GRIK3: variants seen among roughly 807,000 people sequenced by gnomAD.
GRIK3 encodes the protein glutamate receptor ionotropic, kainate 3.
In GRIK3, 29 loss-of-function variants were observed where a neutral mutation model predicts 102.5. That is an observed-to-expected ratio of 0.28 (90% CI 0.21 to 0.39). The LOEUF is 0.39. GRIK3 is among the 10% of genes least tolerant of loss of function. The pLI is 1.00. For missense variants in GRIK3, 908 were observed against 1,252.4 expected (o/e 0.73, Z 4.15); for synonymous variants, 511 against 504.9 (o/e 1.01, Z -0.16).
intron 5 of GRIK3, among the ~76,000 whole-genome samples, chr1:36,863,276 C>T (rs1640746945): frequency 6.6e-6 from 1 of 152,100 alleles, no homozygotes; most frequent in Non-Finnish European, 1.5e-5. Context: ...CCTGCCCAGC[C>T]CCCAACTCAT....
rs1641732201 is a variant in GRIK3 at position 36,942,344 on chromosome 1, C to T, written c.116-51248G>A. On this transcript the variant is annotated intron_variant, in intron 1 of 15. Coordinates refer to ENST00000373091, the MANE Select transcript of GRIK3 (RefSeq NM_000831.4). The stretch of plus-strand genomic sequence containing the variant: ...GGGCCGAGCTGATAGCAGCGTCTGC[C>T]AGCTTGTCAGTTCTGCGGAAACCCT... Among the ~76,000 whole-genome samples the T allele has an allele frequency of 2.0e-5, 3 of 152,214 alleles. No homozygotes were observed. In the South Asian group the frequency reaches 6.2e-4, roughly 32 times the overall value.
chr1:37,026,984 G>A (rs1405033586), intron 1 of GRIK3, among the ~76,000 whole-genome samples: 2 of 152,070 alleles, frequency 1.3e-5, no homozygotes, highest in East Asian at 1.9e-4. Context: ...AAGTGATGGG[G>A]GAGAGATGGC....
intron 10 of GRIK3, among the ~76,000 whole-genome samples, chr1:36,826,650 G>A (rs1039136407): frequency 1.3e-5 from 2 of 149,850 alleles, no homozygotes; most frequent in Admixed American, 6.7e-5. Flanking sequence ...CTCCAGCCTA[G>A]GCAACAGAGT....
At position 36,916,513 on chromosome 1, in the gene GRIK3, C is replaced by T. The variant is rs117909835; in HGVS notation, c.116-25417G>A. Among the ~76,000 whole-genome samples, 26 of 152,144 alleles carry T rather than the reference C, an allele frequency of 1.7e-4. 1 individual carries two copies. The East Asian group carries it at 5.0e-3, about 30-fold the overall frequency. On this transcript the variant is annotated intron_variant, in intron 1 of 15. Coordinates refer to ENST00000373091, the MANE Select transcript of GRIK3 (RefSeq NM_000831.4). ...CCCCTCACATCACAGGCATGGAGAC[C>T]TAGGAGAAAAATGGTTTTGTGGGCC... is the stretch of plus-strand genomic sequence containing the variant.
intron 9 of GRIK3, chr1:36,849,950 G>A: frequency 8.8e-6 from 2 of 226,218 alleles, no homozygotes; most frequent in African/African-American, 2.3e-5. Context: ...CACAGCTGGG[G>A]TGACTTGTGG....
chr1:36,850,234 G>T lies in GRIK3; in HGVS notation c.1326+77C>A. 1 of 867,714 alleles carries T rather than the reference G, an allele frequency of 1.2e-6. No homozygotes were observed. Among genetic ancestry groups the T allele is most frequent in the Non-Finnish European group, 2.0e-6 (1 of 505,604 alleles). The allele number at this position is 867,714 out of a possible 1,614,324, so 53.8% of individuals were successfully genotyped here. On this transcript the variant is annotated intron_variant, in intron 9 of 15. Coordinates refer to ENST00000373091, the MANE Select transcript of GRIK3 (RefSeq NM_000831.4). This position sits in a 1 kb window ranked among gnomAD's most constrained non-coding sequence, Gnocchi z 4.0. ...CTCCATCTTCTGGGTGGGGGGGATA[G>T]AGGGGACTCTCCAGCCCGAACGGCC...
At chr1:37,032,067 A>G (rs570126227) in intron 1 of GRIK3, among the ~76,000 whole-genome samples, 2 of 152,210 alleles carry the variant, frequency 1.3e-5, no homozygotes, top group Non-Finnish European at 2.9e-5. Context: ...TACGAAGAAG[A>G]TTAGAAGAGA....
At chr1:36,859,026 C>T in intron 7 of GRIK3, 82 bp downstream of exon 7, 1 of 1,226,854 alleles carries the variant, frequency 8.2e-7, no homozygotes. Flanking sequence ...ATCAATCCTT[C>T]CTGACTCCCA....
chr1:36,985,897 G>T (rs1642298870), intron 1 of GRIK3, among the ~76,000 whole-genome samples: 1 of 152,144 alleles, frequency 6.6e-6, no homozygotes, highest in Non-Finnish European at 1.5e-5. Context: ...CAGCAATGAA[G>T]GGTGAGTGTG....
intron 1 of GRIK3, among the ~76,000 whole-genome samples, chr1:36,951,574 T>A (rs940083292): frequency 1.3e-5 from 2 of 152,224 alleles, no homozygotes; most frequent in Admixed American, 1.3e-4. Flanking sequence ...TGCAGATTAA[T>A]GAGGCCACGG....
chr1:36,887,899 T>G (rs1483459165), intron 2 of GRIK3, among the ~76,000 whole-genome samples: 1 of 151,476 alleles, frequency 6.6e-6, no homozygotes, highest in Non-Finnish European at 1.5e-5. Flanking sequence ...AAAATAAAAC[T>G]GACTTTACCA....
chr1:36,963,532 C>T (rs749048265), intron 1 of GRIK3, among the ~76,000 whole-genome samples: 7 of 152,162 alleles, frequency 4.6e-5, no homozygotes, highest in African/African-American at 9.7e-5. Flanking sequence ...CACTCTGAGC[C>T]GCATGCCATT....
chr1:36,892,250 C>T (rs1203705372), intron 1 of GRIK3, among the ~76,000 whole-genome samples: 1 of 152,170 alleles, frequency 6.6e-6, no homozygotes, highest in Admixed American at 6.5e-5. Context: ...AACTCTTGAC[C>T]TCAGGTGAGC....
At chr1:36,957,003 C>T (rs1641919131) in intron 1 of GRIK3, among the ~76,000 whole-genome samples, 1 of 152,266 alleles carries the variant, frequency 6.6e-6, no homozygotes, top group African/African-American at 2.4e-5. Context: ...CCAAGGGAGA[C>T]CAGGAGCAAG....
chr1:36,880,546 C>T lies in GRIK3; in HGVS notation c.550+88G>A. 1 of 1,308,436 alleles carries T rather than the reference C, an allele frequency of 7.6e-7. No individual in the cohort carries two copies. The highest frequency in any genetic ancestry group is 1.1e-6 in the Non-Finnish European group (1 of 916,622). 81.1% of individuals were successfully genotyped at this position (1,308,436 alleles called of 1,614,324 possible). ...AACACAGCCTCTTCCCCCAGGGCAGCTGTGCTGAACAAACAGACAAGAGCT... is the reference window on the plus strand; with the variant it reads ...AACACAGCCTCTTCCCCCAGGGCAGTTGTGCTGAACAAACAGACAAGAGCT... On this transcript the variant is annotated intron_variant, in intron 3 of 15. Coordinates refer to ENST00000373091, the MANE Select transcript of GRIK3 (RefSeq NM_000831.4). This position sits in a 1 kb window ranked among gnomAD's most constrained non-coding sequence, Gnocchi z 5.4.
Position 36,844,876 on chromosome 1 carries a change from A to C in GRIK3, c.1327-2937T>G, listed in dbSNP as rs532620283. Among the ~76,000 whole-genome samples, 29 of 152,298 alleles carry C rather than the reference A, an allele frequency of 1.9e-4. 2 individuals carry two copies. In the South Asian group the frequency reaches 6.0e-3, roughly 32 times the overall value. On this transcript the variant is annotated intron_variant, in intron 9 of 15. Transcript: ENST00000373091. ...GTTAAAACTCATGGTTGATAGCGGA[A>C]AACCATTTCAGGAAAGGTCCCTGAG...
At chr1:36,906,614 A>G (rs1343479119) in intron 1 of GRIK3, among the ~76,000 whole-genome samples, 1 of 151,404 alleles carries the variant, frequency 6.6e-6, no homozygotes, top group Non-Finnish European at 1.5e-5. Flanking sequence ...CGGAGGGTAA[A>G]TGTTTTAGAT....
chr1:36,891,111 T>A lies in GRIK3; in HGVS notation c.116-15A>T. On this transcript the variant is annotated splice_polypyrimidine_tract_variant and intron_variant, in intron 1 of 15. Coordinates refer to ENST00000373091, the MANE Select transcript of GRIK3 (RefSeq NM_000831.4). Reference sequence around the variant, plus strand: ...GAAGATTCCTCCTGTGAAAGATGAGTAAAATTGTGTGTGGTTGGGAGGAGG... The same window carrying A: ...GAAGATTCCTCCTGTGAAAGATGAGAAAAATTGTGTGTGGTTGGGAGGAGG... The A allele has an allele frequency of 1.2e-6, 2 of 1,601,274 alleles. No individual in the cohort carries two copies.
At position 36,801,929 on chromosome 1, in the gene GRIK3, C is replaced by T. The variant is rs747891855; in HGVS notation, c.2682G>A (p.Met894Ile). ...GAAGCCGGCGGTCATTGAATGTGTG[C>T]ATGTTGATGACGGCGTCAGTCTTGA... Reference protein sequence around the residue: ...MMVKTDAVINMHTFNDRRLPG... With the variant: ...MMVKTDAVINIHTFNDRRLPG... Residue 894 changes from methionine to isoleucine, a missense_variant, in exon 16 of 16, where the codon ATG becomes ATA. Met to Ile is a conservative substitution (Grantham distance 10). Transcript: ENST00000373091. 1.2e-6 allele frequency: 2 copies of T among 1,614,062 alleles called. No homozygotes were observed. Among genetic ancestry groups the T allele is most frequent in the Non-Finnish European group, 1.7e-6 (2 of 1,179,978 alleles).
Sources: gnomAD v4.1 joint callset for allele counts (sites outside exome capture counted in the v4.1 genomes callset) on GRCh38, gnomAD v4.1.1 for gene constraint, Gnocchi (gnomAD v3.1) non-coding constraint, MANE v1.5 for transcripts, NCBI Gene and HGNC (gene_info 2026-07-23, HGNC 2026-07-21) for gene names.